DSPP: variants seen among roughly 807,000 people sequenced by gnomAD.
The protein encoded by DSPP is deafness, autosomal dominant 39.
In DSPP, 28 loss-of-function variants were observed where a neutral mutation model predicts 29.1. The ratio of observed to expected loss-of-function variants is 0.96; its 90% CI spans 0.71 to 1.32. The LOEUF (loss-of-function observed/expected upper bound fraction) is 1.32. DSPP is among the 40% of genes most tolerant of loss of function. DSPP has a pLI of 0.00. For synonymous variants in DSPP, 481 were observed against 503.4 expected (o/e 0.96, Z 0.60); for missense variants, 1,281 against 1,629.9 (o/e 0.79, Z 3.69).
intron 1 of DSPP, among the ~76,000 whole-genome samples, 192 bp downstream of exon 1, chr4:87,608,812 T>C (rs17012914): frequency 0.015 from 2,338 of 152,190 alleles, 67 homozygotes; most frequent in African/African-American, 0.055. Flanking sequence ...AAGGAAGAGA[T>C]AGATTGGGAA....
At position 87,613,259 on chromosome 4, in the gene DSPP, G is replaced by T; in HGVS notation, c.1073G>T (p.Arg358Ile). The T allele has an allele frequency of 6.2e-7, 1 of 1,613,750 alleles. No homozygotes were observed. Reference protein sequence around the residue: ...NHRESKRVENRITKESETHAV... With the variant: ...NHRESKRVENIITKESETHAV... The stretch of plus-strand genomic sequence containing the variant: ...AGAGAAAGCAAACGCGTAGAAAATA[G>T]AATCACCAAAGAATCAGAGACACAT... The change falls in exon 4 of 5, where the codon AGA (arginine) becomes ATA (isoleucine). Residue 358 changes from arginine to isoleucine, a missense_variant. Arg to Ile is a moderately conservative substitution (Grantham distance 97). This residue lies in a region of DSPP where 631 missense variants were observed against 643.2 expected (regional missense o/e 0.98). Coordinates refer to ENST00000651931, the MANE Select transcript of DSPP (RefSeq NM_014208.3).
At chr4:87,612,285 T>C (rs1420325975) in intron 3 of DSPP, 37 bp from the exon 4 acceptor site, 9 of 1,613,338 alleles carry the variant, frequency 5.6e-6, no homozygotes, top group South Asian at 1.1e-5. Context: ...TTCAAGATCA[T>C]TGATACTTAT....
rs372024122 is a variant in DSPP at position 87,613,216 on chromosome 4, A to C, written c.1030A>C (p.Thr344Pro). ...CAATGGCAGCCAAAGAATAGAGGAC[A>C]CCCAGAAGCTCAACCATAGAGAAAG... ...EDNGSQRIED[T>P]QKLNHRESKR... Residue 344 changes from threonine to proline, a missense_variant, in exon 4 of 5, where the codon ACC becomes CCC. Thr to Pro is a conservative substitution (Grantham distance 38). Coordinates refer to ENST00000651931, the MANE Select transcript of DSPP (RefSeq NM_014208.3). 1 of 1,613,996 alleles carries C rather than the reference A, an allele frequency of 6.2e-7. No individual in the cohort carries two copies.
At chr4:87,610,811 CA>C in intron 1 of DSPP, 69 bp from the exon 2 acceptor site, 1 of 1,072,430 alleles carries the variant, frequency 9.3e-7, no homozygotes, top group Non-Finnish European at 1.4e-6. Context: ...GCTTACACAT[CA>C]AAATAATATA....
Position 87,612,809 on chromosome 4 carries a change from G to A in DSPP, c.623G>A (p.Gly208Asp). 6.2e-7 allele frequency: 1 copy of A among 1,614,166 alleles called. No individual in the cohort carries two copies. Among genetic ancestry groups the A allele is most frequent in the Non-Finnish European group, 8.5e-7 (1 of 1,180,022 alleles). The change falls in exon 4 of 5, where the codon GGT (glycine) becomes GAT (aspartate). Residue 208 changes from glycine to aspartate, a missense_variant. Physicochemically the swap from Gly to Asp is moderately conservative, Grantham distance 94 (BLOSUM62 -1). This residue lies in a region of DSPP where 631 missense variants were observed against 643.2 expected (regional missense o/e 0.98). Coordinates refer to ENST00000651931, the MANE Select transcript of DSPP (RefSeq NM_014208.3). ...ATTGAGAATTCCTGTAGAAACGAGG[G>A]TAATACAAGTGAAATAACACCTCAG... The part of the protein sequence containing the change: ...EIIENSCRNE[G>D]NTSEITPQIN...
chr4:87,612,993 T>C lies in DSPP; in HGVS notation c.807T>C (p.Asn269=). The C allele has an allele frequency of 1.9e-6, 3 of 1,613,850 alleles. No individual in the cohort carries two copies. The highest frequency in any genetic ancestry group is 2.5e-6 in the Non-Finnish European group (3 of 1,179,974). Residue 269 remains asparagine (N), a synonymous_variant, in exon 4 of 5, where the codon AAT becomes AAC. Coordinates refer to ENST00000651931, the MANE Select transcript of DSPP (RefSeq NM_014208.3). Reference sequence around the variant, plus strand: ...ATGATGAAGATGAAGAAGCAGGGAATGGAAAAGACAGTAGTAATAACAGCA... The same window carrying C: ...ATGATGAAGATGAAGAAGCAGGGAACGGAAAAGACAGTAGTAATAACAGCA... The part of the protein sequence containing the change: ...SGDDEDEEAG[N]GKDSSNNSKG...
Position 87,612,512 on chromosome 4 carries a change from G to A in DSPP, c.326G>A (p.Trp109Ter). ...LANEEGNIEG[W>*]NGDTGKAETY... The stretch of plus-strand genomic sequence containing the variant: ...AACGAAGAGGGGAATATTGAGGGCT[G>A]GAATGGGGACACAGGAAAAGCAGAA... The change falls in exon 4 of 5, where the codon TGG becomes TAG. Residue 109 changes from tryptophan (W) to a stop codon, truncating the protein, a stop_gained. Coordinates refer to ENST00000651931, the MANE Select transcript of DSPP (RefSeq NM_014208.3). LOFTEE classifies it high-confidence loss of function. The A allele has an allele frequency of 6.2e-7, 1 of 1,614,052 alleles. No individual in the cohort carries two copies.
At chr4:87,612,011 TTGTGTGTGTG>T (rs36228864) in intron 2 of DSPP, 84 bp from the exon 3 acceptor site, 11,425 of 1,007,858 alleles carry the variant, frequency 0.011, 1 homozygote, top group Middle Eastern at 0.015. Context: ...GGAAGAATAT[TTGTGTGTGTG>T]TGTGTGTGTG....
Position 87,614,423 on chromosome 4 carries a change from C to G in DSPP, c.1761C>G (p.Ser587Arg). 3 of 1,555,224 alleles carry G rather than the reference C, an allele frequency of 1.9e-6. No homozygotes were observed. In the South Asian group the frequency reaches 3.5e-5, roughly 18 times the overall value. Residue 587 changes from serine (S) to arginine (R), a missense_variant, in exon 5 of 5, where the codon AGC (serine) becomes AGG (arginine). Ser to Arg is a moderately radical substitution (Grantham distance 110). Coordinates refer to ENST00000651931, the MANE Select transcript of DSPP (RefSeq NM_014208.3). ...SSDSDSSDSD[S>R]SDSSDSDSSD... is the part of the protein sequence containing the mutation. ...ATAGTGACAGCAGTGACAGTGACAGCAGTGATAGCAGTGACAGTGATAGTA... is the reference window on the plus strand; with the variant it reads ...ATAGTGACAGCAGTGACAGTGACAGGAGTGATAGCAGTGACAGTGATAGTA...
At position 87,616,675 on chromosome 4, in the gene DSPP, T is replaced by C. The variant is rs932318207; in HGVS notation, c.*107T>C. 6.5e-7 allele frequency: 1 copy of C among 1,528,584 alleles called. No homozygotes were observed. Among genetic ancestry groups the C allele is most frequent in the Non-Finnish European group, 8.8e-7 (1 of 1,130,646 alleles). 94.7% of individuals were successfully genotyped at this position (1,528,584 alleles called of 1,614,324 possible). On this transcript the variant is annotated 3_prime_UTR_variant, in exon 5 of 5. Coordinates refer to ENST00000651931, the MANE Select transcript of DSPP (RefSeq NM_014208.3). Reference sequence around the variant, plus strand: ...AAAGGGGAGAAATAAACATAAGACGTATGTAAACAAAAACAACTGGGGGAA... The same window carrying C: ...AAAGGGGAGAAATAAACATAAGACGCATGTAAACAAAAACAACTGGGGGAA...
Position 87,613,939 on chromosome 4 carries a change from C to T in DSPP, c.1277C>T (p.Pro426Leu), listed in dbSNP as rs758372203. 4.3e-6 allele frequency: 7 copies of T among 1,614,168 alleles called. No individual in the cohort carries two copies. The highest frequency in any genetic ancestry group is 4.0e-5 in the African/African-American group (3 of 75,032). ...GGAGAGGTTGTCAACATAGAAGGACCTGGCCAAAAATCAGAACCAGGAAAT... is the reference window on the plus strand; with the variant it reads ...GGAGAGGTTGTCAACATAGAAGGACTTGGCCAAAAATCAGAACCAGGAAAT... ...TQGEVVNIEGPGQKSEPGNKV... is the reference protein window; with the variant it reads ...TQGEVVNIEGLGQKSEPGNKV... Residue 426 changes from proline (P) to leucine (L), a missense_variant, in exon 5 of 5, where the codon CCT becomes CTT. Coordinates refer to ENST00000651931, the MANE Select transcript of DSPP (RefSeq NM_014208.3).
chr4:87,616,697 G>T lies in DSPP; in HGVS notation c.*129G>T. 6.9e-7 allele frequency: 1 copy of T among 1,457,214 alleles called. No homozygotes were observed. The highest frequency in any genetic ancestry group is 9.3e-7 in the Non-Finnish European group (1 of 1,072,224). 90.3% of individuals were successfully genotyped at this position (1,457,214 alleles called of 1,614,324 possible). A position where few individuals can be genotyped will look rare whatever the true frequency, so the allele number is the denominator to read the frequency against. On this transcript the variant is annotated 3_prime_UTR_variant, in exon 5 of 5. Transcript: ENST00000651931. ...ACGTATGTAAACAAAAACAACTGGGGGAATCAAATCAAACAGTTGGATTCA... is the reference window on the plus strand; with the variant it reads ...ACGTATGTAAACAAAAACAACTGGGTGAATCAAATCAAACAGTTGGATTCA...
Position 87,612,905 on chromosome 4 carries a change from A to G in DSPP, c.719A>G (p.Asp240Gly). The G allele has an allele frequency of 6.2e-7, 1 of 1,614,180 alleles. No homozygotes were observed. Among genetic ancestry groups the G allele is most frequent in the Non-Finnish European group, 8.5e-7 (1 of 1,180,010 alleles). Residue 240 changes from aspartate to glycine, a missense_variant, in exon 4 of 5, where the codon GAT becomes GGT. Physicochemically the swap from Asp to Gly is moderately conservative, Grantham distance 94 (BLOSUM62 -1). Coordinates refer to ENST00000651931, the MANE Select transcript of DSPP (RefSeq NM_014208.3). ...GGCACTGGAGAAGATGCTGGCCTGG[A>G]TAATTCCGATGGGAGTCCTAGTGGG... ...TPGTGEDAGLDNSDGSPSGNG... is the reference protein window; with the variant it reads ...TPGTGEDAGLGNSDGSPSGNG...
Position 87,612,957 on chromosome 4 carries a change from G to C in DSPP, c.771G>C (p.Glu257Asp). ...ATGGAGCAGATGAGGATGAAGACGA[G>C]GGTTCTGGTGATGATGAAGATGAAG... Reference protein sequence around the residue: ...SGNGADEDEDEGSGDDEDEEA... With the variant: ...SGNGADEDEDDGSGDDEDEEA... Residue 257 changes from glutamate to aspartate, a missense_variant, in exon 4 of 5, where the codon GAG becomes GAC. Coordinates refer to ENST00000651931, the MANE Select transcript of DSPP (RefSeq NM_014208.3). The C allele has an allele frequency of 6.2e-7, 1 of 1,614,130 alleles. No homozygotes were observed. The highest frequency in any genetic ancestry group is 1.1e-5 in the South Asian group (1 of 91,064).
intron 1 of DSPP, among the ~76,000 whole-genome samples, chr4:87,609,263 GAGATGTAGTGGTC>G (rs1727690723): frequency 6.6e-6 from 1 of 152,202 alleles, no homozygotes; most frequent in Non-Finnish European, 1.5e-5. Flanking sequence ...AGCTGAAAGA[GAGATGTAGTGGTC>G]AGATTTCTGA....
rs774970858 is a variant in DSPP at position 87,612,824 on chromosome 4, T to C, written c.638T>C (p.Ile213Thr). 1.2e-6 allele frequency: 2 copies of C among 1,613,902 alleles called. No homozygotes were observed. The highest frequency in any genetic ancestry group is 2.2e-5 in the East Asian group (1 of 44,880). The change falls in exon 4 of 5, where the codon ATA becomes ACA. Residue 213 changes from isoleucine (I) to threonine (T), a missense_variant. By Grantham distance (89) the Ile-to-Thr change is moderately conservative. Around this residue, in one of 4 missense-constraint regions of DSPP, gnomAD observed 631 missense variants for 643.2 expected, o/e 0.98. Coordinates refer to ENST00000651931, the MANE Select transcript of DSPP (RefSeq NM_014208.3). Reference protein sequence around the residue: ...SCRNEGNTSEITPQINSKRNG... With the variant: ...SCRNEGNTSETTPQINSKRNG... ...AGAAACGAGGGTAATACAAGTGAAA[T>C]AACACCTCAGATCAACAGCAAGAGA...
In DSPP at chr4:87,612,805, G is replaced by T. The variant is rs776196175; in HGVS notation, c.619G>T (p.Glu207Ter). Residue 207 changes from glutamate (E) to a stop codon, truncating the protein, a stop_gained, in exon 4 of 5, where the codon GAG becomes TAG. Transcript: ENST00000651931. LOFTEE classifies it high-confidence loss of function. ...AATAATTGAGAATTCCTGTAGAAAC[G>T]AGGGTAATACAAGTGAAATAACACC... ...DEIIENSCRN[E>*]GNTSEITPQI... 3 of 1,614,010 alleles carry T rather than the reference G, an allele frequency of 1.9e-6. No homozygotes were observed. The highest frequency in any genetic ancestry group is 2.5e-6 in the Non-Finnish European group (3 of 1,180,034).
Position 87,615,585 on chromosome 4 carries a change from GACAGCAGTGACAGCAGCA to G in DSPP, c.2931_2948del (p.Asn981_Ser986del), listed in dbSNP as rs1262723091. ...TGACAGCAGTGATAGCAATAGCAGC[GACAGCAGTGACAGCAGCA>G]ACAGCAGCGATAGCAGTGACAGCAG... On this transcript the variant is annotated inframe_deletion, in exon 5 of 5. Coordinates refer to ENST00000651931, the MANE Select transcript of DSPP (RefSeq NM_014208.3). The G allele has an allele frequency of 6.5e-7, 1 of 1,541,666 alleles. No individual in the cohort carries two copies. Among genetic ancestry groups the G allele is most frequent in the East Asian group, 2.5e-5 (1 of 40,450 alleles).
chr4:87,614,353 G>C lies in DSPP; in HGVS notation c.1691G>C (p.Ser564Thr). 1 of 1,598,756 alleles carries C rather than the reference G, an allele frequency of 6.3e-7. No homozygotes were observed. Among genetic ancestry groups the C allele is most frequent in the Non-Finnish European group, 8.5e-7 (1 of 1,172,430 alleles). ...GATAGCAGCAATAGCAGTGATAGTA[G>C]TGACAGCAGTGACAGTGACAGCAGT... ...SSDSSNSSDS[S>T]DSSDSDSSDS... The change falls in exon 5 of 5, where the codon AGT becomes ACT. Residue 564 changes from serine to threonine, a missense_variant. This residue lies in a region of DSPP where 444 missense variants were observed against 611.4 expected (regional missense o/e 0.73). Coordinates refer to ENST00000651931, the MANE Select transcript of DSPP (RefSeq NM_014208.3).
Sources: gnomAD v4.1 joint callset for allele counts (sites outside exome capture counted in the v4.1 genomes callset) on GRCh38, gnomAD v4.1.1 for gene constraint, gnomAD v4.1.1 regional missense constraint, MANE v1.5 for transcripts, NCBI Gene and HGNC (gene_info 2026-07-23, HGNC 2026-07-21) for gene names.